Variants in GNPDA2 observed in about 807,000 individuals in gnomAD.
GNPDA2 encodes glcN6P deaminase 2.
In GNPDA2, 24 loss-of-function variants were observed where a neutral mutation model predicts 27.0. That is an observed-to-expected ratio of 0.89 (90% confidence interval 0.64 to 1.25). The LOEUF (loss-of-function observed/expected upper bound fraction) is 1.25. Ranked by LOEUF, GNPDA2 falls within the 50% of genes most tolerant of loss-of-function variation. GNPDA2 has a pLI of 0.00. For synonymous variants in GNPDA2, 94 were observed against 108.4 expected (o/e 0.87, Z 0.83); for missense variants, 286 against 335.1 (o/e 0.85, Z 1.14).
chr4:44,717,111 A>G lies in GNPDA2; in HGVS notation c.409+2T>C. ...AGTTAATGACAAAAGGTTTTTACAT[A>G]CCTCCAACAAAAAGATCTATTCCTC... On this transcript the variant is annotated splice_donor_variant, in intron 4 of 6. Coordinates refer to ENST00000295448, the MANE Select transcript of GNPDA2 (RefSeq NM_138335.3). LOFTEE classifies it high-confidence loss of function. The G allele has an allele frequency of 6.3e-7, 1 of 1,594,208 alleles. No individual in the cohort carries two copies. The highest frequency in any genetic ancestry group is 8.6e-7 in the Non-Finnish European group (1 of 1,168,906).
intron 6 of GNPDA2, chr4:44,703,904 G>A: frequency 1.0e-6 from 1 of 985,066 alleles, no homozygotes; most frequent in Non-Finnish European, 1.2e-6. Context: ...ATGAACCAGA[G>A]ATTTTATATT....
chr4:44,703,744 T>C (rs958808745), intron 6 of GNPDA2: 1 of 984,466 alleles, frequency 1.0e-6, no homozygotes, highest in Non-Finnish European at 1.2e-6. Context: ...ATTATAACTT[T>C]CATTTTGTAA....
intron 6 of GNPDA2, chr4:44,703,717 G>T (rs758482470): frequency 1.2e-4 from 115 of 982,456 alleles, no homozygotes; most frequent in Non-Finnish European, 1.2e-4. Context: ...TAGAAATTAC[G>T]ATTTTAAATC....
chr4:44,721,366 G>A (rs1370883922), intron 2 of GNPDA2, among the ~76,000 whole-genome samples: 1 of 152,004 alleles, frequency 6.6e-6, no homozygotes, highest in Non-Finnish European at 1.5e-5. Flanking sequence ...TTTCTTATAG[G>A]TAAGGAAACC....
intron 4 of GNPDA2, among the ~76,000 whole-genome samples, chr4:44,713,911 G>C (rs11735624): frequency 0.99 from 151,121 of 152,344 alleles, 74,966 homozygotes; most frequent in Middle Eastern, 1. Context: ...ACACTACTGC[G>C]TTAAGATATT....
At chr4:44,724,947 C>T (rs1577599817) in intron 1 of GNPDA2, among the ~76,000 whole-genome samples, 2 of 152,128 alleles carry the variant, frequency 1.3e-5, no homozygotes, top group East Asian at 3.9e-4. Flanking sequence ...ACCAAAGAAT[C>T]AGAAAGAATT....
chr4:44,720,898 T>C (rs1717621902), intron 2 of GNPDA2, among the ~76,000 whole-genome samples: 1 of 152,032 alleles, frequency 6.6e-6, no homozygotes, highest in Non-Finnish European at 1.5e-5. Context: ...CAAATTACTG[T>C]TTTTTTCTGC....
At chr4:44,721,550 A>T (rs1271511754) in intron 2 of GNPDA2, among the ~76,000 whole-genome samples, 1 of 152,132 alleles carries the variant, frequency 6.6e-6, no homozygotes, top group Non-Finnish European at 1.5e-5. Context: ...TAAAATATGT[A>T]ATTACTGTGA....
chr4:44,703,736 T>G (rs1716417334), intron 6 of GNPDA2: 1 of 984,098 alleles, frequency 1.0e-6, no homozygotes, highest in African/African-American at 1.7e-5. Context: ...TCCGGTAGAT[T>G]ATAACTTTCA....
chr4:44,717,778 C>T (rs112039111), intron 3 of GNPDA2, among the ~76,000 whole-genome samples: 13 of 151,918 alleles, frequency 8.6e-5, no homozygotes, highest in African/African-American at 2.9e-4. Context: ...ACTTCTTTGG[C>T]TATCATTTAT....
Position 44,702,871 on chromosome 4 carries a change from CCAGT to C in GNPDA2, c.*206_*209del. ...GACTTCAGTACTTTATAATAAATAG[CCAGT>C]CAATCTTGAGAGCCAGCTACTTCTC... On this transcript the variant is annotated 3_prime_UTR_variant, in exon 7 of 7. Coordinates refer to ENST00000295448, the MANE Select transcript of GNPDA2 (RefSeq NM_138335.3). 2 of 1,387,798 alleles carry C rather than the reference CCAGT, an allele frequency of 1.4e-6. No homozygotes were observed. Among genetic ancestry groups the C allele is most frequent in the Non-Finnish European group, 1.9e-6 (2 of 1,078,976 alleles). 86.0% of individuals were successfully genotyped at this position (1,387,798 alleles called of 1,614,324 possible).
chr4:44,724,585 TG>T (rs1433619009), intron 1 of GNPDA2, among the ~76,000 whole-genome samples: 1 of 152,050 alleles, frequency 6.6e-6, no homozygotes, highest in Non-Finnish European at 1.5e-5. Context: ...TTATATTAAA[TG>T]GATCAGTCAC....
rs1395369071 is a variant in GNPDA2, at chr4:44,702,642, C to A, written c.*439G>T. 14 of 1,012,784 alleles carry A rather than the reference C, an allele frequency of 1.4e-5. No homozygotes were observed. The highest frequency in any genetic ancestry group is 1.7e-5 in the African/African-American group (1 of 57,306). The allele number at this position is 1,012,784 out of a possible 1,614,324, so 62.7% of individuals were successfully genotyped here. ...TGCAGAAAAGCATGTGTGTGATGCA[C>A]AGAAAATATAAAGATTGCATTCCAA... is the stretch of plus-strand genomic sequence containing the variant. On this transcript the variant is annotated 3_prime_UTR_variant, in exon 7 of 7. Coordinates refer to ENST00000295448, the MANE Select transcript of GNPDA2 (RefSeq NM_138335.3).
intron 2 of GNPDA2, among the ~76,000 whole-genome samples, chr4:44,719,412 C>G (rs1717528747): frequency 6.6e-6 from 1 of 152,032 alleles, no homozygotes; most frequent in Admixed American, 6.6e-5. Context: ...AGTAAAAAGA[C>G]TGCCTCTTGT....
intron 1 of GNPDA2, among the ~76,000 whole-genome samples, chr4:44,722,632 A>C (rs116130783): frequency 0.013 from 2,049 of 152,322 alleles, 21 homozygotes; most frequent in Middle Eastern, 0.031. Context: ...CTATTTACAC[A>C]GTATTTACAT....
chr4:44,707,687 A>G (rs978826184), intron 6 of GNPDA2, 65 bp downstream of exon 6: 16 of 1,391,872 alleles, frequency 1.1e-5, no homozygotes, highest in Admixed American at 1.8e-5. Flanking sequence ...CCCCACAGTC[A>G]CAGTAAGTTT....
intron 2 of GNPDA2, among the ~76,000 whole-genome samples, chr4:44,719,280 T>C (rs1034780885): frequency 6.6e-6 from 1 of 151,848 alleles, no homozygotes; most frequent in Non-Finnish European, 1.5e-5. Flanking sequence ...TAACCCACCA[T>C]CACAAAACAG....
At chr4:44,707,428 C>A in intron 6 of GNPDA2, 1 of 339,752 alleles carries the variant, frequency 2.9e-6, no homozygotes, top group Non-Finnish European at 5.3e-6. Flanking sequence ...AAAAGAAATC[C>A]AGAATGGACA....
chr4:44,704,729 C>A (rs143699107), intron 6 of GNPDA2: 1 of 984,056 alleles, frequency 1.0e-6, no homozygotes, highest in East Asian at 1.1e-4. Flanking sequence ...TGAAACGTTA[C>A]CAGAAGAAAG....
Sources: allele counts gnomAD v4.1 joint callset (sites outside exome capture counted in the v4.1 genomes callset), GRCh38; gene constraint gnomAD v4.1.1; transcripts MANE v1.5; gene names NCBI Gene and HGNC (gene_info 2026-07-23, HGNC 2026-07-21).